Variants in BMP3 observed in about 807,000 individuals in gnomAD.
BMP3 encodes the protein bone morphogenetic protein 3 (osteogenic).
Under a neutral mutation model 38.1 loss-of-function variants are expected in BMP3, and 23 were observed. The ratio of observed to expected loss-of-function variants is 0.60; its 90% CI spans 0.43 to 0.86. BMP3 has a LOEUF of 0.86. BMP3 is among the 40% of genes least tolerant of loss of function. The probability of loss-of-function intolerance (pLI) is 0.00; values close to 1 mark genes in which losing one functional copy is unlikely to be tolerated. For missense variants in BMP3, 628 were observed against 579.6 expected, an observed-to-expected ratio of 1.08 and a Z score of -0.86; for synonymous variants, 258 against 225.7, an observed-to-expected ratio of 1.14 and a Z score of -1.28.
At chr4:81,037,701 G>T (rs1324264401) in intron 1 of BMP3, among the ~76,000 whole-genome samples, 1 of 152,080 alleles carries the variant, frequency 6.6e-6, no homozygotes, top group African/African-American at 2.4e-5. Context: ...CTGTAGCACA[G>T]ATGATGATGT....
At position 81,053,601 on chromosome 4, in the gene BMP3, GT is replaced by G. The variant is rs60606505; in HGVS notation, c.*85del. On this transcript the variant is annotated 3_prime_UTR_variant, in exon 3 of 3. Transcript: ENST00000282701. ...AGTTTATTTTTATGGACTTCTTCCT[GT>G]TTTTTTTTTTTTTTTTTTTGCACTG... 0.078 allele frequency: 27,791 copies of G among 354,166 alleles called. 149 individuals carry two copies. The highest frequency in any genetic ancestry group is 0.16 in the African/African-American group (5,524 of 33,656). The allele number at this position is 354,166 out of a possible 1,614,324, so 21.9% of individuals were successfully genotyped here. A position where few individuals can be genotyped will look rare whatever the true frequency, so the allele number is the denominator to read the frequency against.
rs1740597408 is a variant in BMP3, at chr4:81,057,220, ATAT to A, written c.*3685_*3687del. On this transcript the variant is annotated 3_prime_UTR_variant, in exon 3 of 3. Transcript: ENST00000282701. ...ATGGCAATTTTAAATATATATATAT[ATAT>A]AATATATGTATATGGAAAAGGTTCA... The A allele has an allele frequency of 5.6e-5, 8 of 142,912 alleles. No homozygotes were observed. Among genetic ancestry groups the A allele is most frequent in the Admixed American group, 5.5e-4 (8 of 14,422 alleles). The allele number at this position is 142,912 out of a possible 1,614,324, so 8.9% of individuals were successfully genotyped here.
At position 81,046,149 on chromosome 4, in the gene BMP3, A is replaced by G. The variant is rs758369373; in HGVS notation, c.728A>G (p.Tyr243Cys). 6.2e-7 allele frequency: 1 copy of G among 1,614,130 alleles called. No individual in the cohort carries two copies. The highest frequency in any genetic ancestry group is 1.7e-5 in the Admixed American group (1 of 60,000). Residue 243 changes from tyrosine to cysteine, a missense_variant, in exon 2 of 3, where the codon TAT (tyrosine) becomes TGT (cysteine). By Grantham distance (194) the Tyr-to-Cys change is radical. Coordinates refer to ENST00000282701, the MANE Select transcript of BMP3 (RefSeq NM_001201.5). Reference protein sequence around the residue: ...LPFPEPYILVYANDAAISEPE... With the variant: ...LPFPEPYILVCANDAAISEPE... The stretch of plus-strand genomic sequence containing the variant: ...TTTCCAGAGCCTTATATCTTGGTAT[A>G]TGCCAATGATGCCGCCATTTCTGAG...
At position 81,057,444 on chromosome 4, in the gene BMP3, G is replaced by A. The variant is rs1740604355; in HGVS notation, c.*3908G>A. 6.6e-6 allele frequency: 1 copy of A among 152,028 alleles called. No homozygotes were observed. The highest frequency in any genetic ancestry group is 1.5e-5 in the Non-Finnish European group (1 of 67,970). 9.4% of individuals were successfully genotyped at this position (152,028 alleles called of 1,614,324 possible). A position where few individuals can be genotyped will look rare whatever the true frequency, so the allele number is the denominator to read the frequency against. ...CTGTGAAGGATACTTCACTACCAATGTATAAGCTTTGTTGAATTTGTATCA... is the reference window on the plus strand; with the variant it reads ...CTGTGAAGGATACTTCACTACCAATATATAAGCTTTGTTGAATTTGTATCA... On this transcript the variant is annotated 3_prime_UTR_variant, in exon 3 of 3. Coordinates refer to ENST00000282701, the MANE Select transcript of BMP3 (RefSeq NM_001201.5).
At position 81,031,595 on chromosome 4, in the gene BMP3, C is replaced by A; in HGVS notation, c.311C>A (p.Ala104Glu). 1 of 1,593,362 alleles carries A rather than the reference C, an allele frequency of 6.3e-7. No homozygotes were observed. Among genetic ancestry groups the A allele is most frequent in the South Asian group, 1.1e-5 (1 of 87,902 alleles). The change falls in exon 1 of 3, where the codon GCA becomes GAA. Residue 104 changes from alanine (A) to glutamate (E), a missense_variant. By Grantham distance (107) the Ala-to-Glu change is moderately radical. Coordinates refer to ENST00000282701, the MANE Select transcript of BMP3 (RefSeq NM_001201.5). Reference sequence around the variant, plus strand: ...ACGGTTCGCAGCTTTCGGGCGGCAGCAGCAGGTGAGTGCGCGAGGTGAGAC... The same window carrying A: ...ACGGTTCGCAGCTTTCGGGCGGCAGAAGCAGGTGAGTGCGCGAGGTGAGAC... ...GNTVRSFRAAAAETLERKGLY... is the reference protein window; with the variant it reads ...GNTVRSFRAAEAETLERKGLY...
At position 81,056,669 on chromosome 4, in the gene BMP3, A is replaced by G. The variant is rs1302077808; in HGVS notation, c.*3133A>G. On this transcript the variant is annotated 3_prime_UTR_variant, in exon 3 of 3. Transcript: ENST00000282701. ...GGGATTGTAGAACTTAAACTGGAAGACTGGATTCCTCAGATCTCAGGACTA... is the reference window on the plus strand; with the variant it reads ...GGGATTGTAGAACTTAAACTGGAAGGCTGGATTCCTCAGATCTCAGGACTA... 6.6e-6 allele frequency: 1 copy of G among 152,618 alleles called. No individual in the cohort carries two copies. Among genetic ancestry groups the G allele is most frequent in the Non-Finnish European group, 1.5e-5 (1 of 68,040 alleles). The allele number at this position is 152,618 out of a possible 1,614,324, so 9.5% of individuals were successfully genotyped here. A position where few individuals can be genotyped will look rare whatever the true frequency, so the allele number is the denominator to read the frequency against.
chr4:81,031,458 A>G lies in BMP3; in HGVS notation c.174A>G (p.Glu58=). The G allele has an allele frequency of 6.2e-7, 1 of 1,613,508 alleles. No individual in the cohort carries two copies. The highest frequency in any genetic ancestry group is 8.5e-7 in the Non-Finnish European group (1 of 1,179,744). ...TGCAGCCGCAAGACAAGGTCTCTGA[A>G]CACATGCTGCGGCTCTATGACAGGT... is the stretch of plus-strand genomic sequence containing the variant. The part of the protein sequence containing the change: ...SELQPQDKVS[E]HMLRLYDRYS... Residue 58 remains glutamate, a synonymous_variant, in exon 1 of 3, where the codon GAA becomes GAG. Transcript: ENST00000282701.
intron 1 of BMP3, among the ~76,000 whole-genome samples, chr4:81,042,982 C>T (rs1165876629): frequency 1.3e-5 from 2 of 152,168 alleles, no homozygotes; most frequent in Non-Finnish European, 2.9e-5. Flanking sequence ...AAATGTGCAC[C>T]AATGGCAGTT....
chr4:81,057,218 A>G lies in BMP3; in HGVS notation c.*3682A>G. ...CAATGGCAATTTTAAATATATATAT[A>G]TATATAATATATGTATATGGAAAAG... On this transcript the variant is annotated 3_prime_UTR_variant, in exon 3 of 3. Transcript: ENST00000282701. 6.6e-6 allele frequency: 1 copy of G among 151,172 alleles called. No individual in the cohort carries two copies. The highest frequency in any genetic ancestry group is 1.9e-4 in the East Asian group (1 of 5,176). 9.4% of individuals were successfully genotyped at this position (151,172 alleles called of 1,614,324 possible).
chr4:81,047,947 G>GAAAAAAAAAAA, intron 2 of BMP3, among the ~76,000 whole-genome samples: 1 of 91,560 alleles, frequency 1.1e-5, no homozygotes, highest in South Asian at 3.8e-4. Context: ...ACTCTGAAGA[G>GAAAAAAAAAAA]AAAAAAAAAA....
Position 81,031,263 on chromosome 4 carries a change from C to T in BMP3, c.-22C>T. On this transcript the variant is annotated 5_prime_UTR_variant, in exon 1 of 3. In the 5' UTR this introduces an upstream ATG that the reference lacks. Coordinates refer to ENST00000282701, the MANE Select transcript of BMP3 (RefSeq NM_001201.5). ...GTCCCGCAGCGACGCCGGGAGCCGA[C>T]GCGCCGCGCGGGTACCTAGCCATGG... is the stretch of plus-strand genomic sequence containing the variant. 6.4e-7 allele frequency: 1 copy of T among 1,562,526 alleles called. No individual in the cohort carries two copies. The highest frequency in any genetic ancestry group is 8.7e-7 in the Non-Finnish European group (1 of 1,154,298).
chr4:81,047,548 C>CTAAA (rs1491143895), intron 2 of BMP3, among the ~76,000 whole-genome samples: 66 of 15,144 alleles, frequency 4.4e-3, no homozygotes, highest in Non-Finnish European at 0.02. Context: ...CTCTGTTATA[C>CTAAA]CAAAAAAAAA....
At chr4:81,047,307 C>T (rs6843338) in intron 2 of BMP3, among the ~76,000 whole-genome samples, 2 of 152,242 alleles carry the variant, frequency 1.3e-5, no homozygotes, top group East Asian at 1.9e-4. Flanking sequence ...TGTATCTCCT[C>T]GAAAATCCAT....
intron 1 of BMP3, among the ~76,000 whole-genome samples, chr4:81,038,956 A>G (rs1301665060): frequency 1.3e-5 from 2 of 151,916 alleles, no homozygotes; most frequent in Non-Finnish European, 2.9e-5. Context: ...AAAAACATAC[A>G]TCATATCATC....
intron 1 of BMP3, among the ~76,000 whole-genome samples, chr4:81,042,106 T>C (rs1445711646): frequency 6.6e-6 from 1 of 152,186 alleles, no homozygotes; most frequent in African/African-American, 2.4e-5. Context: ...GTGAGATTAA[T>C]TTTAATAATA....
Position 81,031,261 on chromosome 4 carries a change from G to T in BMP3, c.-24G>T. On this transcript the variant is annotated 5_prime_UTR_variant, in exon 1 of 3. Transcript: ENST00000282701. The stretch of plus-strand genomic sequence containing the variant: ...GTGTCCCGCAGCGACGCCGGGAGCC[G>T]ACGCGCCGCGCGGGTACCTAGCCAT... 1 of 1,560,244 alleles carries T rather than the reference G, an allele frequency of 6.4e-7. No homozygotes were observed. The highest frequency in any genetic ancestry group is 1.2e-5 in the South Asian group (1 of 82,112).
rs778395597 is a variant in BMP3 at position 81,046,465 on chromosome 4, G to A, written c.1044G>A (p.Thr348=). Residue 348 remains threonine (T), a synonymous_variant, in exon 2 of 3, where the codon ACG becomes ACA. Coordinates refer to ENST00000282701, the MANE Select transcript of BMP3 (RefSeq NM_001201.5). ...AGGGGCCTCATCGGAAGAGCCAGAC[G>A]CTCCAATTTGATGAGCAGACCCTGA... ...QRKGPHRKSQ[T]LQFDEQTLKK... 24 of 1,613,908 alleles carry A rather than the reference G, an allele frequency of 1.5e-5. No individual in the cohort carries two copies. The highest frequency in any genetic ancestry group is 4.5e-5 in the East Asian group (2 of 44,884).
chr4:81,053,174 C>T (rs1278577101), intron 2 of BMP3, among the ~76,000 whole-genome samples, 171 bp from the exon 3 acceptor site: 2 of 151,922 alleles, frequency 1.3e-5, no homozygotes, highest in Admixed American at 6.6e-5. Context: ...TAAATAATAA[C>T]CATTTTGGTA....
In BMP3 at chr4:81,046,535, A is replaced by G. The variant is rs774424729; in HGVS notation, c.1114A>G (p.Arg372Gly). 1.1e-5 allele frequency: 18 copies of G among 1,614,172 alleles called. No individual in the cohort carries two copies. Among genetic ancestry groups the G allele is most frequent in the Non-Finnish European group, 1.2e-5 (14 of 1,180,024 alleles). ...KQWIEPRNCA[R>G]RYLKVDFADI... ...GTGGATTGAACCTCGGAATTGCGCC[A>G]GGAGATACCTCAAGGTAGACTTTGC... is the stretch of plus-strand genomic sequence containing the variant. The change falls in exon 2 of 3, where the codon AGG becomes GGG. Residue 372 changes from arginine to glycine, a missense_variant. Arg to Gly is a moderately radical substitution (Grantham distance 125). Transcript: ENST00000282701.
Sources: allele counts gnomAD v4.1 joint callset (sites outside exome capture counted in the v4.1 genomes callset), GRCh38; gene constraint gnomAD v4.1.1; transcripts MANE v1.5; gene names NCBI Gene and HGNC (gene_info 2026-07-23, HGNC 2026-07-21).